BABAM2: variants seen among roughly 807,000 people sequenced by gnomAD.
BABAM2 encodes the protein BRISC and BRCA1 A complex member 2, also known as BRISC and BRCA1-A complex member 2.
A neutral mutation model predicts 54.7 loss-of-function variants in BABAM2; 31 were observed. The observed-to-expected ratio is 0.57, with a 90% CI of 0.43 to 0.77. The LOEUF (loss-of-function observed/expected upper bound fraction) is 0.77, where lower values mean the gene tolerates loss of function less well. BABAM2 is among the 30% of genes least tolerant of loss of function. The probability of loss-of-function intolerance (pLI) is 0.00; values close to 1 mark genes in which losing one functional copy is unlikely to be tolerated. For missense variants in BABAM2, 364 were observed against 455.8 expected (o/e 0.80, Z 1.83); for synonymous variants, 167 against 162.9 (o/e 1.03, Z -0.19).
At chr2:28,165,529 C>CCTTTT (rs1388699279) in intron 7 of BABAM2, among the ~76,000 whole-genome samples, 1 of 72,254 alleles carries the variant, frequency 1.4e-5, no homozygotes, top group Non-Finnish European at 2.4e-5. Flanking sequence ...TTTTTCCTTG[C>CCTTTT]TTTTTTTTTT....
intron 7 of BABAM2, among the ~76,000 whole-genome samples, chr2:28,222,920 C>T (rs1281728518): frequency 1.3e-5 from 2 of 152,240 alleles, no homozygotes; most frequent in African/African-American, 4.8e-5. Context: ...TGCTTCCCCG[C>T]AGGCCCGCCC....
chr2:28,207,878 A>T (rs745435117), intron 7 of BABAM2, among the ~76,000 whole-genome samples: 22 of 151,960 alleles, frequency 1.4e-4, no homozygotes, highest in South Asian at 2.1e-4. Context: ...GTAACTTAGG[A>T]CCCTCAATTT....
chr2:28,060,426 C>A (rs1678766333), intron 6 of BABAM2, among the ~76,000 whole-genome samples: 2 of 152,120 alleles, frequency 1.3e-5, no homozygotes, highest in South Asian at 4.1e-4. Context: ...CAAATACTTT[C>A]TCTCTAAGAT....
intron 8 of BABAM2, among the ~76,000 whole-genome samples, chr2:28,238,498 A>C (rs1474290566): frequency 6.6e-6 from 1 of 152,228 alleles, no homozygotes; most frequent in Non-Finnish European, 1.5e-5. Context: ...TATAGAAAAT[A>C]GTTTAAAAGT....
intron 3 of BABAM2, among the ~76,000 whole-genome samples, chr2:27,966,554 T>C (rs1670860160): frequency 6.6e-6 from 1 of 152,232 alleles, no homozygotes; most frequent in Non-Finnish European, 1.5e-5. Flanking sequence ...TGATAGTTTC[T>C]TGCTTTCTGG....
chr2:28,093,642 A>G (rs563518824), intron 6 of BABAM2, among the ~76,000 whole-genome samples: 2 of 152,248 alleles, frequency 1.3e-5, no homozygotes, highest in African/African-American at 2.4e-5. Flanking sequence ...AACTTTTTAA[A>G]TTTAGCTTGA....
chr2:28,171,305 A>G (rs1674299993), intron 7 of BABAM2, among the ~76,000 whole-genome samples: 1 of 152,228 alleles, frequency 6.6e-6, no homozygotes, highest in Non-Finnish European at 1.5e-5. Context: ...TCAAATGATG[A>G]AAGATGATGA....
chr2:28,168,478 C>T (rs1208781340), intron 7 of BABAM2, among the ~76,000 whole-genome samples: 1 of 152,114 alleles, frequency 6.6e-6, no homozygotes, highest in Non-Finnish European at 1.5e-5. Context: ...TTTGTATGGG[C>T]TGTGATCACT....
intron 11 of BABAM2, among the ~76,000 whole-genome samples, chr2:28,324,233 G>C (rs947149449): frequency 4.6e-5 from 7 of 152,132 alleles, no homozygotes; most frequent in Non-Finnish European, 8.8e-5. Flanking sequence ...GTTTGGGATG[G>C]GAGAGAACAC....
chr2:27,891,712 T>C (rs1056111902), intron 1 of BABAM2, among the ~76,000 whole-genome samples: 4 of 119,836 alleles, frequency 3.3e-5, no homozygotes, highest in African/African-American at 1.3e-4. Flanking sequence ...CGCCCTTTTT[T>C]TTTAGAGAAG....
At chr2:28,313,517 G>GA (rs888652330) in intron 11 of BABAM2, among the ~76,000 whole-genome samples, 3 of 152,076 alleles carry the variant, frequency 2.0e-5, no homozygotes, top group African/African-American at 7.2e-5. Context: ...CACTTCTGAG[G>GA]AAAAAAAGTA....
chr2:28,114,771 G>T (rs898291006), intron 6 of BABAM2, among the ~76,000 whole-genome samples: 1 of 152,174 alleles, frequency 6.6e-6, no homozygotes, highest in East Asian at 1.9e-4. Context: ...TCAGTTAAGT[G>T]TACAGATCCA....
intron 6 of BABAM2, among the ~76,000 whole-genome samples, chr2:28,062,950 G>C (rs1243980121): frequency 6.6e-6 from 1 of 152,216 alleles, no homozygotes; most frequent in Non-Finnish European, 1.5e-5. Context: ...TGGCACAGTG[G>C]ATGTATGTTG....
chr2:28,233,310 G>A (rs1203148704), intron 7 of BABAM2: 2 of 470,276 alleles, frequency 4.3e-6, no homozygotes, highest in Non-Finnish European at 8.8e-6. Flanking sequence ...AGCCAGCCCT[G>A]CAGTCCCGGG....
intron 7 of BABAM2, among the ~76,000 whole-genome samples, chr2:28,196,836 CT>C (rs759950166): frequency 1.2e-4 from 5 of 40,250 alleles, no homozygotes; most frequent in Admixed American, 5.1e-4. Flanking sequence ...GAGACCCTGT[CT>C]TTTTTTTTTT....
At chr2:27,923,493 C>T (rs1231967518) in intron 2 of BABAM2, among the ~76,000 whole-genome samples, 1 of 151,888 alleles carries the variant, frequency 6.6e-6, no homozygotes, top group Non-Finnish European at 1.5e-5. Flanking sequence ...GGTGGTGCAC[C>T]TGTAGTCCCA....
intron 10 of BABAM2, among the ~76,000 whole-genome samples, chr2:28,280,876 G>A (rs1303249448): frequency 2.6e-5 from 4 of 152,086 alleles, no homozygotes; most frequent in Admixed American, 6.5e-5. Context: ...CATGAGTAAG[G>A]CGGGGGGGCA....
chr2:27,974,399 A>G (rs1391294974), intron 3 of BABAM2, among the ~76,000 whole-genome samples: 3 of 152,162 alleles, frequency 2.0e-5, no homozygotes, highest in Admixed American at 6.5e-5. Flanking sequence ...AAGTAAAATA[A>G]TATATCATAA....
At chr2:28,042,369 G>GT (rs1677169590) in intron 5 of BABAM2, among the ~76,000 whole-genome samples, 2 of 152,192 alleles carry the variant, frequency 1.3e-5, no homozygotes, top group Non-Finnish European at 2.9e-5. Flanking sequence ...AAGGGTCTTA[G>GT]AGTTAAGCCC....
Sources: gnomAD v4.1 joint callset for allele counts (sites outside exome capture counted in the v4.1 genomes callset) on GRCh38, gnomAD v4.1.1 for gene constraint, MANE v1.5 for transcripts, NCBI Gene and HGNC (gene_info 2026-07-23, HGNC 2026-07-21) for gene names.